The following NOL4 variants were observed in gnomAD, a reference collection of about 807,000 sequenced individuals.
The protein encoded by NOL4 is nucleolar protein 4.
In NOL4, 17 loss-of-function variants were observed where a neutral mutation model predicts 75.9. That is an observed-to-expected ratio of 0.22 (90% CI 0.15 to 0.34). The LOEUF (loss-of-function observed/expected upper bound fraction) is 0.34, where lower values mean the gene tolerates loss of function less well. NOL4 is among the 10% of genes least tolerant of loss of function. The probability of loss-of-function intolerance (pLI) is 1.00; values close to 1 mark genes in which losing one functional copy is unlikely to be tolerated. For synonymous variants in NOL4, 292 were observed against 289.9 expected, an observed-to-expected ratio of 1.01 and a Z score of -0.07; for missense variants, 614 against 793.5, an observed-to-expected ratio of 0.77 and a Z score of 2.72.
At chr18:34,190,576 A>C (rs2034839312) in intron 1 of NOL4, among the ~76,000 whole-genome samples, 1 of 151,980 alleles carries the variant, frequency 6.6e-6, no homozygotes, top group Non-Finnish European at 1.5e-5. Flanking sequence ...TTATCTGTTT[A>C]CAGTGAGTCC....
At chr18:34,173,788 A>G (rs1338623860) in intron 1 of NOL4, among the ~76,000 whole-genome samples, 1 of 152,188 alleles carries the variant, frequency 6.6e-6, no homozygotes, top group Admixed American at 6.6e-5. Flanking sequence ...CACAGATATT[A>G]CAGATGTATG....
chr18:33,900,778 C>A (rs75729340), intron 9 of NOL4, among the ~76,000 whole-genome samples: 2 of 152,058 alleles, frequency 1.3e-5, no homozygotes, highest in African/African-American at 4.8e-5. Flanking sequence ...TAGAGGCCAG[C>A]GAAAGTACCA....
chr18:34,081,073 C>G (rs1174919517), intron 5 of NOL4, among the ~76,000 whole-genome samples: 3 of 152,116 alleles, frequency 2.0e-5, no homozygotes, highest in East Asian at 3.9e-4. Context: ...AGAAGCTGGC[C>G]TATTTACAGA....
chr18:34,081,050 C>T (rs2077988140), intron 5 of NOL4, among the ~76,000 whole-genome samples: 1 of 152,150 alleles, frequency 6.6e-6, no homozygotes, highest in Admixed American at 6.5e-5. Flanking sequence ...CCTTTATCTA[C>T]TGATGCAAAT....
At chr18:33,942,076 GC>G (rs1280295927) in intron 9 of NOL4, among the ~76,000 whole-genome samples, 1 of 151,880 alleles carries the variant, frequency 6.6e-6, no homozygotes, top group African/African-American at 2.4e-5. Flanking sequence ...TCAAATCAAT[GC>G]TGATGTAATT....
intron 6 of NOL4, among the ~76,000 whole-genome samples, chr18:33,991,416 C>A (rs117169413): frequency 0.017 from 2,515 of 152,096 alleles, 40 homozygotes; most frequent in East Asian, 0.088. Flanking sequence ...GTTTTTATTT[C>A]TACTGTTTAA....
intron 1 of NOL4, among the ~76,000 whole-genome samples, chr18:34,138,845 T>C (rs916418964): frequency 1.3e-5 from 2 of 152,138 alleles, no homozygotes; most frequent in Admixed American, 6.5e-5. Flanking sequence ...TTTTGAGATA[T>C]GTCCCATCAA....
chr18:34,183,994 T>C (rs2034253855), intron 1 of NOL4, among the ~76,000 whole-genome samples: 1 of 151,576 alleles, frequency 6.6e-6, no homozygotes, highest in Admixed American at 6.6e-5. Flanking sequence ...GAATATAAAA[T>C]GTATTCAAGA....
At chr18:34,005,066 T>C (rs938919245) in intron 6 of NOL4, among the ~76,000 whole-genome samples, 24 of 152,254 alleles carry the variant, frequency 1.6e-4, no homozygotes, top group Admixed American at 1.1e-3. Context: ...CTTTATCTTA[T>C]ATTTTATTGT....
chr18:33,860,195 C>G (rs1466664094), intron 10 of NOL4, among the ~76,000 whole-genome samples: 1 of 152,070 alleles, frequency 6.6e-6, no homozygotes, highest in African/African-American at 2.4e-5. Context: ...TAACTTCCCA[C>G]CAGGTCCCTC....
intron 10 of NOL4, among the ~76,000 whole-genome samples, chr18:33,861,946 G>A (rs1252919349): frequency 2.0e-5 from 3 of 152,098 alleles, no homozygotes; most frequent in Non-Finnish European, 4.4e-5. Flanking sequence ...AACCAAAAAA[G>A]AGCCCACATC....
intron 1 of NOL4, among the ~76,000 whole-genome samples, chr18:34,204,069 A>G (rs1400369954): frequency 1.3e-5 from 2 of 152,050 alleles, no homozygotes; most frequent in Non-Finnish European, 2.9e-5. Flanking sequence ...TAGAGTGCTG[A>G]CTCATTAAAA....
intron 5 of NOL4, among the ~76,000 whole-genome samples, chr18:34,046,607 C>CATATATATGTAT (rs2076377894): frequency 1.2e-5 from 1 of 81,658 alleles, no homozygotes; most frequent in African/African-American, 4.7e-5. Flanking sequence ...TTTACTTATA[C>CATATATATGTAT]ATATATATAT....
intron 6 of NOL4, among the ~76,000 whole-genome samples, chr18:34,011,595 G>T (rs1223167085): frequency 6.6e-6 from 1 of 151,292 alleles, no homozygotes; most frequent in Non-Finnish European, 1.5e-5. Flanking sequence ...CTTAACGATA[G>T]AACTCAAGTG....
At chr18:33,883,948 T>G (rs1452040024) in intron 9 of NOL4, among the ~76,000 whole-genome samples, 1 of 151,954 alleles carries the variant, frequency 6.6e-6, no homozygotes, top group African/African-American at 2.4e-5. Flanking sequence ...TTTTCAGCAC[T>G]TGGGGAGGAG....
intron 5 of NOL4, among the ~76,000 whole-genome samples, chr18:34,079,027 C>T (rs2077872553): frequency 2.0e-5 from 3 of 152,230 alleles, no homozygotes; most frequent in East Asian, 1.9e-4. Context: ...AGTTTATTTG[C>T]CCCACTTCTG....
chr18:33,981,246 A>G (rs2071932888), intron 6 of NOL4, among the ~76,000 whole-genome samples: 1 of 151,952 alleles, frequency 6.6e-6, no homozygotes, highest in South Asian at 2.1e-4. Flanking sequence ...CATAATTAAG[A>G]TAGGAAAAAA....
chr18:34,082,273 A>G (rs931450715), intron 5 of NOL4, among the ~76,000 whole-genome samples: 21 of 152,286 alleles, frequency 1.4e-4, no homozygotes, highest in African/African-American at 5.1e-4. Context: ...CATCAGAACC[A>G]GAAGGCTGTG....
intron 1 of NOL4, among the ~76,000 whole-genome samples, chr18:34,131,449 C>A (rs1335513321): frequency 6.6e-6 from 1 of 151,966 alleles, no homozygotes; most frequent in Admixed American, 6.6e-5. Flanking sequence ...CTGACCTATC[C>A]CCTATACCTG....
Sources: gnomAD v4.1 joint callset for allele counts (sites outside exome capture counted in the v4.1 genomes callset) on GRCh38, gnomAD v4.1.1 for gene constraint, MANE v1.5 for transcripts, NCBI Gene and HGNC (gene_info 2026-07-23, HGNC 2026-07-21) for gene names.